Variants in SLITRK6 observed in about 807,000 individuals in gnomAD.
SLITRK6 encodes SLIT and NTRK-like protein 6.
A neutral mutation model predicts 55.6 loss-of-function variants in SLITRK6; 35 were observed. The ratio of observed to expected loss-of-function variants is 0.63; its 90% CI spans 0.48 to 0.83. SLITRK6 has a LOEUF of 0.83. Ranked by LOEUF, SLITRK6 falls within the 40% of genes least tolerant of loss-of-function variation. The pLI, the probability that SLITRK6 is intolerant of heterozygous loss-of-function variation, is 0.00. For missense variants in SLITRK6, 977 were observed against 986.4 expected, an observed-to-expected ratio of 0.99 and a Z score of 0.13; for synonymous variants, 392 against 359.6, an observed-to-expected ratio of 1.09 and a Z score of -1.02.
chr13:85,795,059 G>C lies in SLITRK6; in HGVS notation c.1450C>G (p.Leu484Val). ...TTTGTTTTAAGATTTACCTTAGTTA[G>C]AGGAACCCCTGAAAAAATATGTGGT... ...LPPHIFSGVP[L>V]TKVNLKTNQF... The change falls in exon 2 of 2, where the codon CTA becomes GTA. Residue 484 changes from leucine (L) to valine (V), a missense_variant. Transcript: ENST00000647374. 6.2e-7 allele frequency: 1 copy of C among 1,612,982 alleles called. No homozygotes were observed. The highest frequency in any genetic ancestry group is 8.5e-7 in the Non-Finnish European group (1 of 1,179,392).
chr13:85,796,605 AAAT>A (rs763695454), intron 1 of SLITRK6, 73 bp from the exon 2 acceptor site: 4 of 1,249,626 alleles, frequency 3.2e-6, no homozygotes, highest in Non-Finnish European at 4.2e-6. Flanking sequence ...GATATTTTCA[AAAT>A]AATAGGTTTT....
chr13:85,796,115 A>G lies in SLITRK6; in HGVS notation c.394T>C (p.Phe132Leu). 6.2e-7 allele frequency: 1 copy of G among 1,612,436 alleles called. No individual in the cohort carries two copies. ...AATTCCAGGTTTTCCAGTCCATGGA[A>G]AGTATCCTCTTTAAGAATTTCTAAA... ...NSLEILKEDTFHGLENLEFLQ... is the reference protein window; with the variant it reads ...NSLEILKEDTLHGLENLEFLQ... Residue 132 changes from phenylalanine to leucine, a missense_variant, in exon 2 of 2, where the codon TTC (phenylalanine) becomes CTC (leucine). Physicochemically the swap from Phe to Leu is conservative, Grantham distance 22. Coordinates refer to ENST00000647374, the MANE Select transcript of SLITRK6 (RefSeq NM_032229.3).
chr13:85,795,045 A>G lies in SLITRK6; in HGVS notation c.1464T>C (p.Asn488=), dbSNP rs1432111213. 1 of 1,612,866 alleles carries G rather than the reference A, an allele frequency of 6.2e-7. No individual in the cohort carries two copies. The highest frequency in any genetic ancestry group is 1.3e-5 in the African/African-American group (1 of 74,806). Residue 488 remains asparagine, a synonymous_variant, in exon 2 of 2, where the codon AAT becomes AAC. Transcript: ENST00000647374. Reference sequence around the variant, plus strand: ...GATGGGTAAACTGGTTTGTTTTAAGATTTACCTTAGTTAGAGGAACCCCTG... The same window carrying G: ...GATGGGTAAACTGGTTTGTTTTAAGGTTTACCTTAGTTAGAGGAACCCCTG... The part of the protein sequence containing the change: ...IFSGVPLTKV[N]LKTNQFTHLP...
At chr13:85,797,492 A>T (rs937110072) in intron 1 of SLITRK6, among the ~76,000 whole-genome samples, 1 of 151,842 alleles carries the variant, frequency 6.6e-6, no homozygotes, top group Non-Finnish European at 1.5e-5. Context: ...AATGCTTCAT[A>T]TAAACTTCTA....
At chr13:85,796,818 G>A (rs1874742354) in intron 1 of SLITRK6, among the ~76,000 whole-genome samples, 1 of 151,606 alleles carries the variant, frequency 6.6e-6, no homozygotes, top group Non-Finnish European at 1.5e-5. Context: ...CACATCTGAT[G>A]AATAACCTGC....
rs1874607487 is a variant in SLITRK6 at position 85,793,613 on chromosome 13, A to C, written c.*370T>G. 5.7e-6 allele frequency: 1 copy of C among 174,238 alleles called. No homozygotes were observed. Among genetic ancestry groups the C allele is most frequent in the East Asian group, 1.6e-4 (1 of 6,090 alleles). The allele number at this position is 174,238 out of a possible 1,614,324, so 10.8% of individuals were successfully genotyped here. A position where few individuals can be genotyped will look rare whatever the true frequency, so the allele number is the denominator to read the frequency against. ...ATACAAGTATGGTTTTTAAATGATGAAATCCAATTGTAATTAATCTATAGG... is the reference window on the plus strand; with the variant it reads ...ATACAAGTATGGTTTTTAAATGATGCAATCCAATTGTAATTAATCTATAGG... On this transcript the variant is annotated 3_prime_UTR_variant, in exon 2 of 2. Transcript: ENST00000647374.
chr13:85,798,828 A>G (rs1201677223), intron 1 of SLITRK6, 86 bp downstream of exon 1: 2 of 151,994 alleles, frequency 1.3e-5, no homozygotes, highest in Non-Finnish European at 2.9e-5. Flanking sequence ...AAAGTTGTTT[A>G]TTTAAAGGAA....
In SLITRK6 at chr13:85,795,122, C is replaced by G. The variant is rs1323736323; in HGVS notation, c.1387G>C (p.Val463Leu). The G allele has an allele frequency of 6.2e-7, 1 of 1,612,952 alleles. No individual in the cohort carries two copies. The highest frequency in any genetic ancestry group is 1.3e-5 in the African/African-American group (1 of 74,932). Residue 463 changes from valine (V) to leucine (L), a missense_variant, in exon 2 of 2, where the codon GTC becomes CTC. Val to Leu is a conservative substitution (Grantham distance 32). Transcript: ENST00000647374. ...GTFNPMPKLKVLYLNNNLLQV... is the reference protein window; with the variant it reads ...GTFNPMPKLKLLYLNNNLLQV... ...AGGAGGTTGTTATTTAAATACAGGA[C>G]TTTAAGTTTAGGCATTGGATTAAAG...
chr13:85,796,633 A>T (rs1355690280), intron 1 of SLITRK6, 101 bp from the exon 2 acceptor site: 2 of 941,500 alleles, frequency 2.1e-6, no homozygotes, highest in African/African-American at 3.4e-5. Flanking sequence ...CAAAAAGCAA[A>T]TGACGGATTA....
chr13:85,795,645 T>C lies in SLITRK6; in HGVS notation c.864A>G (p.Thr288=). ...ACATGCGACTATCATTTATTGAAGATGTTGCTGCCAGATGTAATGATCCTG... is the reference window on the plus strand; with the variant it reads ...ACATGCGACTATCATTTATTGAAGACGTTGCTGCCAGATGTAATGATCCTG... ...DPSGSLHLAA[T]SSINDSRMST... is the part of the protein sequence containing the mutation. Residue 288 remains threonine, a synonymous_variant, in exon 2 of 2, where the codon ACA becomes ACG. Coordinates refer to ENST00000647374, the MANE Select transcript of SLITRK6 (RefSeq NM_032229.3). 6.2e-7 allele frequency: 1 copy of C among 1,613,116 alleles called. No individual in the cohort carries two copies. The highest frequency in any genetic ancestry group is 8.5e-7 in the Non-Finnish European group (1 of 1,179,440).
chr13:85,798,262 G>T (rs1874780321), intron 1 of SLITRK6, among the ~76,000 whole-genome samples: 1 of 151,910 alleles, frequency 6.6e-6, no homozygotes, highest in Non-Finnish European at 1.5e-5. Context: ...ATCACTAAAA[G>T]TACTTATTCA....
At position 85,794,153 on chromosome 13, in the gene SLITRK6, T is replaced by C; in HGVS notation, c.2356A>G (p.Met786Val). 1 of 1,613,116 alleles carries C rather than the reference T, an allele frequency of 6.2e-7. No homozygotes were observed. Among genetic ancestry groups the C allele is most frequent in the Non-Finnish European group, 8.5e-7 (1 of 1,179,444 alleles). ...RKNIAQLQPD[M>V]EAHYPGAHEE... The stretch of plus-strand genomic sequence containing the variant: ...TGGGCTCCAGGATAATGTGCCTCCA[T>C]ATCAGGCTGGAGCTGAGCAATGTTT... Residue 786 changes from methionine to valine, a missense_variant, in exon 2 of 2, where the codon ATG becomes GTG. Physicochemically the swap from Met to Val is conservative, Grantham distance 21. Transcript: ENST00000647374.
chr13:85,798,131 GA>G (rs1382334352), intron 1 of SLITRK6, among the ~76,000 whole-genome samples: 1 of 151,886 alleles, frequency 6.6e-6, no homozygotes, highest in African/African-American at 2.4e-5. Flanking sequence ...TGTGTAAAGG[GA>G]AAGTTAGAAG....
At chr13:85,797,816 AT>A (rs561642866) in intron 1 of SLITRK6, among the ~76,000 whole-genome samples, 85 of 152,032 alleles carry the variant, frequency 5.6e-4, no homozygotes, top group African/African-American at 2.0e-3. Context: ...ATGAGATCTA[AT>A]TTTATTTCCT....
In SLITRK6 at chr13:85,794,056, T is replaced by A; in HGVS notation, c.2453A>T (p.Asn818Ile). 6.2e-7 allele frequency: 1 copy of A among 1,612,380 alleles called. No individual in the cohort carries two copies. The highest frequency in any genetic ancestry group is 8.5e-7 in the Non-Finnish European group (1 of 1,179,106). ...ATTAGCTTTAAGTTCAAAATACTCA[T>A]TTTTTGTCTGTTCCACTAATACCTT... ...PRKVLVEQTK[N>I]EYFELKANLH... Residue 818 changes from asparagine (N) to isoleucine (I), a missense_variant, in exon 2 of 2, where the codon AAT (asparagine) becomes ATT (isoleucine). Coordinates refer to ENST00000647374, the MANE Select transcript of SLITRK6 (RefSeq NM_032229.3).
In SLITRK6 at chr13:85,795,357, C is replaced by T. The variant is rs1874679737; in HGVS notation, c.1152G>A (p.Val384=). Residue 384 remains valine, a synonymous_variant, in exon 2 of 2, where the codon GTG becomes GTA. Transcript: ENST00000647374. ...GAAGCATTTCCAAAGTGAAATATTC[C>T]ACTAGATCAGACTTCATTAAACTGT... ...IIHSLMKSDL[V]EYFTLEMLHL... The T allele has an allele frequency of 1.2e-6, 2 of 1,612,656 alleles. No homozygotes were observed. The highest frequency in any genetic ancestry group is 2.2e-5 in the South Asian group (2 of 91,038).
rs767436213 is a variant in SLITRK6, at chr13:85,795,452, C to T, written c.1057G>A (p.Glu353Lys). 1 of 1,612,800 alleles carries T rather than the reference C, an allele frequency of 6.2e-7. No homozygotes were observed. Among genetic ancestry groups the T allele is most frequent in the African/African-American group, 1.3e-5 (1 of 74,784 alleles). ...LLIHCQERNI[E>K]SLSDLRPPPQ... ...GGAGGTCTCAGATCTGATAAGCTTT[C>T]AATGTTGCGCTCCTGACAATGTATT... is the stretch of plus-strand genomic sequence containing the variant. Residue 353 changes from glutamate (E) to lysine (K), a missense_variant, in exon 2 of 2, where the codon GAA (glutamate) becomes AAA (lysine). Glu to Lys is a moderately conservative substitution (Grantham distance 56). Coordinates refer to ENST00000647374, the MANE Select transcript of SLITRK6 (RefSeq NM_032229.3).
Position 85,795,024 on chromosome 13 carries a change from G to C in SLITRK6, c.1485C>G (p.Thr495=), listed in dbSNP as rs779899063. ...CCAAAATATTACTTACAGGTAGATG[G>C]GTAAACTGGTTTGTTTTAAGATTTA... is the stretch of plus-strand genomic sequence containing the variant. The part of the protein sequence containing the change: ...TKVNLKTNQF[T]HLPVSNILDD... Residue 495 remains threonine, a synonymous_variant, in exon 2 of 2, where the codon ACC becomes ACG. Coordinates refer to ENST00000647374, the MANE Select transcript of SLITRK6 (RefSeq NM_032229.3). 1.2e-5 allele frequency: 19 copies of C among 1,612,786 alleles called. No individual in the cohort carries two copies. The highest frequency in any genetic ancestry group is 1.6e-5 in the Non-Finnish European group (19 of 1,179,382).
intron 1 of SLITRK6, among the ~76,000 whole-genome samples, chr13:85,796,895 T>C (rs1874743591): frequency 6.6e-6 from 1 of 151,800 alleles, no homozygotes; most frequent in South Asian, 2.1e-4. Flanking sequence ...AAGTTATATA[T>C]TTGAAAATAT....
Sources: gnomAD v4.1 joint callset for allele counts (sites outside exome capture counted in the v4.1 genomes callset) on GRCh38, gnomAD v4.1.1 for gene constraint, MANE v1.5 for transcripts, NCBI Gene and HGNC (gene_info 2026-07-23, HGNC 2026-07-21) for gene names.